The following CSMD1 variants were observed in gnomAD, a reference collection of about 807,000 sequenced individuals.
The protein encoded by CSMD1 is CUB and Sushi multiple domains 1.
In CSMD1, 213 loss-of-function variants were observed where a neutral mutation model predicts 417.5. The observed-to-expected ratio is 0.51, with a 90% confidence interval of 0.46 to 0.57. CSMD1 has a LOEUF of 0.57. Among genes scored for constraint, CSMD1 ranks in the 20% least tolerant of loss-of-function variants. CSMD1 has a pLI of 0.00. For missense variants in CSMD1, 6,923 were observed against 4,529.7 expected (o/e 1.53, Z -15.17); for synonymous variants, 2,862 against 1,736.8 (o/e 1.65, Z -16.11).
At position 3,716,583 on chromosome 8, in the gene CSMD1, C is replaced by A. The variant is rs145445209; in HGVS notation, c.932-8092G>T. On this transcript the variant is annotated intron_variant, in intron 6 of 69. Coordinates refer to ENST00000635120, the MANE Select transcript of CSMD1 (RefSeq NM_033225.6). ...CGTCTTGGTTTCGGGAGATTTGCGCCGGCTTCTTTACTGCAACCTATTTCA... is the reference window on the plus strand; with the variant it reads ...CGTCTTGGTTTCGGGAGATTTGCGCAGGCTTCTTTACTGCAACCTATTTCA... Among the ~76,000 whole-genome samples, 3 of 152,072 alleles carry A rather than the reference C, an allele frequency of 2.0e-5. No homozygotes were observed. In the East Asian group the frequency reaches 5.8e-4, roughly 29 times the overall value.
chr8:3,521,402 C>T (rs563237632), intron 10 of CSMD1, among the ~76,000 whole-genome samples: 9 of 152,312 alleles, frequency 5.9e-5, no homozygotes, highest in Middle Eastern at 3.4e-3. Context: ...CAATTCAGTG[C>T]CACCATTTCC....
At position 4,123,806 on chromosome 8, in the gene CSMD1, G is replaced by C. The variant is rs749447715; in HGVS notation, c.416-91707C>G. On this transcript the variant is annotated intron_variant, in intron 3 of 69. Coordinates refer to ENST00000635120, the MANE Select transcript of CSMD1 (RefSeq NM_033225.6). ...GAAGAACCCAAAATAAAATATAATA[G>C]AGAACTAAGTTCAAGTGAGGACCTA... Among the ~76,000 whole-genome samples, 4 of 152,148 alleles carry C rather than the reference G, an allele frequency of 2.6e-5. No individual in the cohort carries two copies. The East Asian group carries it at 5.8e-4, about 22-fold the overall frequency.
At chr8:3,691,386 A>C (rs1232867923) in intron 7 of CSMD1, among the ~76,000 whole-genome samples, 1 of 151,968 alleles carries the variant, frequency 6.6e-6, no homozygotes, top group African/African-American at 2.4e-5. Flanking sequence ...AACAAAACAA[A>C]AAAACAAAAA....
chr8:3,956,836 T>C (rs139032656), intron 5 of CSMD1, among the ~76,000 whole-genome samples: 65 of 152,260 alleles, frequency 4.3e-4, no homozygotes, highest in African/African-American at 1.4e-3. Context: ...AGAGAGAATG[T>C]TGGTGGCTCT....
At chr8:3,016,277 C>T (rs898492263) in intron 52 of CSMD1, among the ~76,000 whole-genome samples, 3 of 152,048 alleles carry the variant, frequency 2.0e-5, no homozygotes, top group African/African-American at 7.2e-5. Flanking sequence ...TTTAGGATTG[C>T]AGCCTCTGTT....
intron 7 of CSMD1, among the ~76,000 whole-genome samples, chr8:3,635,014 A>C (rs897928138): frequency 6.6e-6 from 1 of 152,018 alleles, no homozygotes; most frequent in African/African-American, 2.4e-5. Context: ...CTAACTAAAC[A>C]TTGAAAAACT....
At chr8:3,605,047 T>C (rs1424061427) in intron 8 of CSMD1, among the ~76,000 whole-genome samples, 1 of 152,170 alleles carries the variant, frequency 6.6e-6, no homozygotes, top group Non-Finnish European at 1.5e-5. Context: ...ACTGCTGGAG[T>C]GCAGTGGTGC....
At chr8:3,172,759 C>A (rs573367638) in intron 37 of CSMD1, among the ~76,000 whole-genome samples, 1 of 152,180 alleles carries the variant, frequency 6.6e-6, no homozygotes, top group African/African-American at 2.4e-5. Context: ...AACCAAACAT[C>A]GTCTCCCATG....
At chr8:3,498,205 C>G (rs1366350861) in intron 10 of CSMD1, among the ~76,000 whole-genome samples, 8 of 152,062 alleles carry the variant, frequency 5.3e-5, no homozygotes, top group Admixed American at 3.9e-4. Flanking sequence ...TTTGACTTGA[C>G]TGTTTTGTCT....
At chr8:4,523,581 A>G (rs757343974) in intron 2 of CSMD1, among the ~76,000 whole-genome samples, 2 of 152,124 alleles carry the variant, frequency 1.3e-5, no homozygotes, top group Non-Finnish European at 1.5e-5. Context: ...GTTGCCTCAA[A>G]TAACAGAATA....
Position 3,772,190 on chromosome 8 carries a change from A to ATATG in CSMD1, c.819-18149_819-18148insCATA, listed in dbSNP as rs1563063620. 4.0e-4 allele frequency among the ~76,000 whole-genome samples: 3 copies of ATATG among 7,592 alleles called. No homozygotes were observed. The South Asian group carries it at 6.6e-3, about 17-fold the overall frequency. 5.0% of individuals were successfully genotyped at this position (7,592 alleles called of 152,430 possible). On this transcript the variant is annotated intron_variant, in intron 5 of 69. Coordinates refer to ENST00000635120, the MANE Select transcript of CSMD1 (RefSeq NM_033225.6). ...AACATATATATATATATATATATAT[A>ATATG]CACACACACACACACACACACACAC...
At chr8:4,045,540 A>G (rs961202610) in intron 3 of CSMD1, among the ~76,000 whole-genome samples, 5 of 152,216 alleles carry the variant, frequency 3.3e-5, no homozygotes, top group African/African-American at 1.2e-4. Flanking sequence ...TGGGCAGCAG[A>G]TGCTGTTACA....
chr8:4,005,040 G>C lies in CSMD1; in HGVS notation c.611-6930C>G, dbSNP rs540780013. ...ATTCTAAGTGAAGTACTGAGGAATG[G>C]AAAACCAAACATCCTATGTTCTCAC... On this transcript the variant is annotated intron_variant, in intron 4 of 69. Coordinates refer to ENST00000635120, the MANE Select transcript of CSMD1 (RefSeq NM_033225.6). Among the ~76,000 whole-genome samples, 22 of 152,306 alleles carry C rather than the reference G, an allele frequency of 1.4e-4. No individual in the cohort carries two copies. The East Asian group carries it at 1.9e-3, about 13-fold the overall frequency.
chr8:3,029,555 G>C, intron 50 of CSMD1, 42 bp from the exon 51 acceptor site: 1 of 1,520,964 alleles, frequency 6.6e-7, no homozygotes, highest in South Asian at 1.2e-5. Flanking sequence ...TTTCTTTTTT[G>C]GAAAACATCA....
intron 12 of CSMD1, among the ~76,000 whole-genome samples, chr8:3,448,514 G>A (rs951934391): frequency 6.7e-6 from 1 of 149,942 alleles, no homozygotes; most frequent in African/African-American, 2.5e-5. Flanking sequence ...AAAACTTGGA[G>A]AGAGGCTGCT....
intron 52 of CSMD1, among the ~76,000 whole-genome samples, chr8:3,009,815 C>T (rs1034431167): frequency 6.6e-6 from 1 of 152,254 alleles, no homozygotes; most frequent in African/African-American, 2.4e-5. Flanking sequence ...GCATCAAACA[C>T]GGGCCCGAGT....
intron 65 of CSMD1, among the ~76,000 whole-genome samples, chr8:2,951,755 T>C (rs895465612): frequency 2.0e-5 from 3 of 152,198 alleles, no homozygotes; most frequent in Admixed American, 6.5e-5. Context: ...AAAGCTTACA[T>C]ATCCCAGCAC....
chr8:4,051,614 T>C (rs370082637), intron 3 of CSMD1, among the ~76,000 whole-genome samples: 3 of 152,164 alleles, frequency 2.0e-5, no homozygotes, highest in Admixed American at 1.3e-4. Context: ...GCGGGGCTTG[T>C]AGGTTTCTGT....
intron 4 of CSMD1, among the ~76,000 whole-genome samples, chr8:4,012,643 C>G (rs1796325553): frequency 6.6e-6 from 1 of 152,144 alleles, no homozygotes; most frequent in African/African-American, 2.4e-5. Flanking sequence ...GAGTGTCCAT[C>G]AGTTCCATGA....
Sources: gnomAD v4.1 joint callset for allele counts (sites outside exome capture counted in the v4.1 genomes callset) on GRCh38, gnomAD v4.1.1 for gene constraint, MANE v1.5 for transcripts, NCBI Gene and HGNC (gene_info 2026-07-23, HGNC 2026-07-21) for gene names.